The following JAK1 variants were observed in gnomAD, a reference collection of about 807,000 sequenced individuals.
JAK1 encodes tyrosine-protein kinase JAK1.
JAK1 carries 16 observed loss-of-function variants against 136.6 expected under a neutral mutation model. That is an observed-to-expected ratio of 0.12 (90% confidence interval 0.08 to 0.18). The LOEUF is 0.18. Ranked by LOEUF, JAK1 falls within the 10% of genes least tolerant of loss-of-function variation. The probability of loss-of-function intolerance (pLI) is 1.00; values close to 1 mark genes in which losing one functional copy is unlikely to be tolerated. For synonymous variants in JAK1, 492 were observed against 519.5 expected (o/e 0.95, Z 0.72); for missense variants, 859 against 1,450.1 (o/e 0.59, Z 6.62).
intron 11 of JAK1, among the ~76,000 whole-genome samples, chr1:64,852,818 A>G (rs1417790805): frequency 6.6e-6 from 1 of 152,176 alleles, no homozygotes; most frequent in Admixed American, 6.5e-5. Flanking sequence ...GGCTGCCTTC[A>G]GTGCCCGGTA....
intron 6 of JAK1, 128 bp downstream of exon 6, chr1:64,869,183 G>C (rs1656913006): frequency 1.3e-6 from 1 of 762,894 alleles, no homozygotes; most frequent in South Asian, 1.7e-5. Context: ...AACATTCTAA[G>C]GAAGATCTGG....
rs17127063 is a variant in JAK1 at position 64,846,659 on chromosome 1, G to A, written c.1977C>T (p.Arg659=). 51,720 of 1,613,140 alleles carry A rather than the reference G, an allele frequency of 0.032. 1,097 individuals carry two copies. The highest frequency in any genetic ancestry group is 0.11 in the African/African-American group (8,479 of 74,926). Residue 659 remains arginine, a synonymous_variant, in exon 14 of 25, where the codon CGC becomes CGT. Transcript: ENST00000342505. ...HIVYLYGVCV[R]DVENIMVEEF... Reference sequence around the variant, plus strand: ...AGAGAACACACTTACTCTCCACGTCGCGGACACAGACGCCATAGAGGTACA... The same window carrying A: ...AGAGAACACACTTACTCTCCACGTCACGGACACAGACGCCATAGAGGTACA...
At chr1:65,058,175 C>G (rs1358316784) in intron 1 of JAK1, among the ~76,000 whole-genome samples, 3 of 152,150 alleles carry the variant, frequency 2.0e-5, no homozygotes, top group South Asian at 4.1e-4. Context: ...CTAATTCATA[C>G]TTACCTATTT....
At chr1:64,896,020 T>C (rs909700163) in intron 1 of JAK1, among the ~76,000 whole-genome samples, 1 of 152,244 alleles carries the variant, frequency 6.6e-6, no homozygotes, top group Non-Finnish European at 1.5e-5. Flanking sequence ...ACGGGGAAGC[T>C]ATCCAAGTCT....
At chr1:64,839,898 G>T (rs941565492) in intron 19 of JAK1, 103 bp from the exon 20 acceptor site, 25 of 941,820 alleles carry the variant, frequency 2.7e-5, no homozygotes, top group Middle Eastern at 6.6e-4. Flanking sequence ...AGGGCCAGGG[G>T]TTCTCGCTGT....
intron 1 of JAK1, among the ~76,000 whole-genome samples, chr1:64,961,684 T>C (rs1012075311): frequency 9.9e-5 from 15 of 152,058 alleles, no homozygotes; most frequent in Non-Finnish European, 1.9e-4. Context: ...ACACTGTATC[T>C]CTGCCTAGAC....
chr1:64,945,275 C>A (rs1017557950), intron 1 of JAK1, among the ~76,000 whole-genome samples: 1 of 152,072 alleles, frequency 6.6e-6, no homozygotes, highest in African/African-American at 2.4e-5. Context: ...GAAAAAGGTA[C>A]TAACCCCATG....
chr1:65,045,481 GTGGTGGGAAGCATGAAAGCA>G (rs975306263), intron 1 of JAK1, among the ~76,000 whole-genome samples: 51 of 152,234 alleles, frequency 3.4e-4, no homozygotes, highest in African/African-American at 1.1e-3. Flanking sequence ...TGGCATTTGT[GTGGTGGGAAGCATGAAAGCA>G]TGGTGGGAAG....
chr1:64,874,883 T>G (rs1433719195), intron 4 of JAK1, among the ~76,000 whole-genome samples: 1 of 152,168 alleles, frequency 6.6e-6, no homozygotes, highest in Non-Finnish European at 1.5e-5. Flanking sequence ...CAGGCATGTT[T>G]CTCGTACTCT....
chr1:64,898,963 T>C (rs571289382), intron 1 of JAK1, among the ~76,000 whole-genome samples: 1 of 152,298 alleles, frequency 6.6e-6, no homozygotes, highest in Non-Finnish European at 1.5e-5. Flanking sequence ...TTTTAGTCTT[T>C]CTCCAAATGA....
At chr1:64,857,845 A>G in intron 9 of JAK1, 66 bp from the exon 10 acceptor site, 2 of 1,588,898 alleles carry the variant, frequency 1.3e-6, no homozygotes, top group Non-Finnish European at 1.7e-6. Context: ...CCTCTGGGCT[A>G]TCCACTCTCC....
At chr1:64,914,694 G>A (rs1645361769) in intron 1 of JAK1, among the ~76,000 whole-genome samples, 1 of 152,160 alleles carries the variant, frequency 6.6e-6, no homozygotes, top group Non-Finnish European at 1.5e-5. Flanking sequence ...CTCCTGAGTA[G>A]CTGGGATTAC....
At chr1:64,985,523 G>A (rs1468310711) in intron 2 of JAK1, 3 of 1,496,838 alleles carry the variant, frequency 2.0e-6, no homozygotes, top group Non-Finnish European at 1.9e-6. Context: ...CAGGAGAGAT[G>A]GGAAAGCCTA....
intron 1 of JAK1, among the ~76,000 whole-genome samples, chr1:64,931,924 AT>A (rs1478710017): frequency 2.0e-5 from 3 of 151,460 alleles, no homozygotes. Flanking sequence ...ACCTAAATGT[AT>A]TTTTTAAATG....
chr1:64,865,111 G>T, intron 7 of JAK1, 139 bp from the exon 8 acceptor site: 1 of 660,542 alleles, frequency 1.5e-6, no homozygotes, highest in South Asian at 2.0e-5. Flanking sequence ...TGCAGGATTG[G>T]GGGAGTTGGC....
chr1:64,851,431 G>A (rs1280126141), intron 11 of JAK1, among the ~76,000 whole-genome samples: 1 of 152,186 alleles, frequency 6.6e-6, no homozygotes, highest in Non-Finnish European at 1.5e-5. Context: ...GGGCATGATG[G>A]GAACCAGAGG....
At position 64,841,472 on chromosome 1, in the gene JAK1, T is replaced by C. The variant is rs762437803; in HGVS notation, c.2533A>G (p.Ile845Val). 12 of 1,614,096 alleles carry C rather than the reference T, an allele frequency of 7.4e-6. No homozygotes were observed. In the South Asian group the frequency reaches 1.2e-4, roughly 16 times the overall value. ...TTACTCTGCTCTTCAAGCTTATTAA[T>C]GTCTCTCATGATGGCTCGGAAGAAA... ...RPFFRAIMRD[I>V]NKLEEQNPDI... The change falls in exon 18 of 25, where the codon ATT (isoleucine) becomes GTT (valine). Residue 845 changes from isoleucine (I) to valine (V), a missense_variant. Physicochemically the swap from Ile to Val is conservative, Grantham distance 29. This residue lies in a region of JAK1 where 409 missense variants were observed against 753.8 expected (regional missense o/e 0.54). Coordinates refer to ENST00000342505, the MANE Select transcript of JAK1 (RefSeq NM_002227.4).
rs181534862 is a variant in JAK1, at chr1:65,013,336, C to T, written c.-78+31144G>A. On this transcript the variant is annotated intron_variant, in intron 2 of 25. Transcript: ENST00000671954. ...CACATGAATCAGGAGGCGGAGGTTG[C>T]GGTGAGCCAAGATCATGCCACTGCA... Among the ~76,000 whole-genome samples, 148 of 150,260 alleles carry T rather than the reference C, an allele frequency of 9.8e-4. No homozygotes were observed. The East Asian group carries it at 0.024, about 25-fold the overall frequency.
chr1:64,863,483 C>G (rs1430770233), intron 8 of JAK1, among the ~76,000 whole-genome samples: 1 of 152,114 alleles, frequency 6.6e-6, no homozygotes, highest in Non-Finnish European at 1.5e-5. Context: ...CTACTTCTCC[C>G]TCTTCACTTT....
Sources: gnomAD v4.1 joint callset for allele counts (sites outside exome capture counted in the v4.1 genomes callset) on GRCh38, gnomAD v4.1.1 for gene constraint, gnomAD v4.1.1 regional missense constraint, MANE v1.5 for transcripts, NCBI Gene and HGNC (gene_info 2026-07-23, HGNC 2026-07-21) for gene names.